ZFHX3: variants seen among roughly 807,000 people sequenced by gnomAD.
The protein encoded by ZFHX3 is zinc finger homeobox protein 3.
In ZFHX3, 42 loss-of-function variants were observed where a neutral mutation model predicts 279.1. The ratio of observed to expected loss-of-function variants is 0.15; its 90% CI spans 0.12 to 0.19. The LOEUF (loss-of-function observed/expected upper bound fraction) is 0.19. ZFHX3 is among the 10% of genes least tolerant of loss of function. The pLI is 1.00. For missense variants in ZFHX3, 4,981 were observed against 4,754.0 expected (o/e 1.05, Z -1.40); for synonymous variants, 2,293 against 1,957.8 (o/e 1.17, Z -4.52).
intron 7 of ZFHX3, among the ~76,000 whole-genome samples, chr16:73,115,501 G>A (rs1264889191): frequency 6.6e-6 from 1 of 152,054 alleles, no homozygotes; most frequent in African/African-American, 2.4e-5. Context: ...AGTGAACCGG[G>A]ATCATGCCAC....
chr16:73,299,761 G>A (rs1197623069), intron 4 of ZFHX3, among the ~76,000 whole-genome samples: 1 of 152,160 alleles, frequency 6.6e-6, no homozygotes, highest in East Asian at 1.9e-4. Flanking sequence ...GGCCTACCAT[G>A]TTTGCAGGAT....
chr16:73,676,797 TAAA>T (rs11295760), intron 2 of ZFHX3, among the ~76,000 whole-genome samples: 8,890 of 150,966 alleles, frequency 0.059, 870 homozygotes, highest in African/African-American at 0.2. Flanking sequence ...GAGATACAAA[TAAA>T]AAAAAGAGTT....
At chr16:72,987,523 G>A (rs1374292964) in intron 1 of ZFHX3, among the ~76,000 whole-genome samples, 1 of 152,160 alleles carries the variant, frequency 6.6e-6, no homozygotes, top group Admixed American at 6.5e-5. Flanking sequence ...CAGCAGCTCT[G>A]GGAGGTCATT....
chr16:73,781,116 G>T (rs1300605730), intron 1 of ZFHX3, among the ~76,000 whole-genome samples: 1 of 152,184 alleles, frequency 6.6e-6, no homozygotes, highest in Non-Finnish European at 1.5e-5. Context: ...GAGCTCTCAA[G>T]GAAGTCGGAG....
intron 1 of ZFHX3, among the ~76,000 whole-genome samples, chr16:73,808,950 T>C (rs868501709): frequency 1.3e-5 from 2 of 152,162 alleles, no homozygotes; most frequent in Non-Finnish European, 2.9e-5. Flanking sequence ...AGAAGCAGCA[T>C]TGATAACAGT....
At chr16:73,306,511 T>C (rs1023037159) in intron 4 of ZFHX3, among the ~76,000 whole-genome samples, 2 of 152,126 alleles carry the variant, frequency 1.3e-5, no homozygotes, top group Non-Finnish European at 2.9e-5. Context: ...TTGGTAGAGA[T>C]ATGGTTTCAC....
At chr16:73,545,201 T>G (rs998107688) in intron 2 of ZFHX3, among the ~76,000 whole-genome samples, 1 of 152,134 alleles carries the variant, frequency 6.6e-6, no homozygotes, top group Non-Finnish European at 1.5e-5. Context: ...CAGACCCCCA[T>G]AATGACATCC....
In ZFHX3 at chr16:73,702,163, C is replaced by T. The variant is rs879793575; in HGVS notation, c.-1607-21923G>A. Among the ~76,000 whole-genome samples the T allele has an allele frequency of 9.6e-4, 146 of 152,020 alleles. 1 individual carries two copies. The highest frequency in any genetic ancestry group is 3.4e-4 in the Non-Finnish European group (23 of 67,998). ...GTACTATGGGTAATAACAACCGCAC[C>T]CCCCACCCTCCCCGTTCACACTCAC... On this transcript the variant is annotated intron_variant, in intron 1 of 17. Transcript: ENST00000641206.
Position 73,329,046 on chromosome 16 carries a change from T to C in ZFHX3, c.-1290-10710A>G, listed in dbSNP as rs1054417688. ...CACAGGTACATTCAGTTCAGACTTT[T>C]TACCCTCCTTTCCTTGCTGCCTTCC... On this transcript the variant is annotated intron_variant, in intron 3 of 17. Coordinates refer to the ZFHX3 transcript ENST00000641206. Among the ~76,000 whole-genome samples the C allele has an allele frequency of 1.1e-4, 16 of 152,258 alleles. 1 individual carries two copies. Among genetic ancestry groups the C allele is most frequent in the Middle Eastern group, 3.2e-3 (1 of 316 alleles).
chr16:72,797,656 T>C lies in ZFHX3; in HGVS notation c.5026A>G (p.Ser1676Gly), dbSNP rs147120168. The C allele has an allele frequency of 1.5e-3, 2,359 of 1,614,178 alleles. 20 individuals are homozygous for C. The highest frequency in any genetic ancestry group is 0.014 in the African/African-American group (1,057 of 75,044). Residue 1676 changes from serine to glycine, a missense_variant, in exon 9 of 10, where the codon AGC becomes GGC. Around this residue, in one of 7 missense-constraint regions of ZFHX3, gnomAD observed 1,751 missense variants for 1,770.0 expected, o/e 0.99. Transcript: ENST00000268489. Reference sequence around the variant, plus strand: ...GGCACTTGGCTTAGTAAGTTAGAGCTTGGAGCAATGCCAGCACTGCTTGGA... The same window carrying C: ...GGCACTTGGCTTAGTAAGTTAGAGCCTGGAGCAATGCCAGCACTGCTTGGA... ...SNPSSAGIAP[S>G]SNLLSQVPTE...
chr16:73,317,294 C>G (rs1395632743), intron 4 of ZFHX3, among the ~76,000 whole-genome samples: 3 of 141,602 alleles, frequency 2.1e-5, no homozygotes, highest in South Asian at 2.6e-4. Context: ...GTGGGGGTGG[C>G]GGTGGTGGTG....
intron 2 of ZFHX3, among the ~76,000 whole-genome samples, chr16:73,524,921 A>G (rs996137606): frequency 4.6e-5 from 7 of 152,300 alleles, no homozygotes; most frequent in Non-Finnish European, 1.0e-4. Flanking sequence ...ATTAAACAGA[A>G]GCTCTTCTCA....
intron 3 of ZFHX3, among the ~76,000 whole-genome samples, chr16:72,943,238 A>C (rs1275261000): frequency 6.6e-5 from 10 of 152,212 alleles, no homozygotes; most frequent in African/African-American, 2.4e-4. Context: ...ATATTCCTGA[A>C]AAGTCACAAA....
intron 5 of ZFHX3, among the ~76,000 whole-genome samples, chr16:73,249,824 T>TCACACACACACACACACA (rs143652574): frequency 5.9e-4 from 88 of 148,782 alleles, no homozygotes; most frequent in African/African-American, 2.0e-3. Context: ...AACAGGCACT[T>TCACACACACACACACACA]CACACACACA....
At chr16:73,189,168 G>A (rs145494524) in intron 5 of ZFHX3, among the ~76,000 whole-genome samples, 2 of 152,152 alleles carry the variant, frequency 1.3e-5, no homozygotes, top group Non-Finnish European at 2.9e-5. Flanking sequence ...GCCCACATCT[G>A]GGTATTTCTA....
At chr16:73,741,804 AG>A (rs1160162247) in intron 1 of ZFHX3, among the ~76,000 whole-genome samples, 9 of 152,220 alleles carry the variant, frequency 5.9e-5, no homozygotes, top group Non-Finnish European at 1.3e-4. Flanking sequence ...GAGGAAAGAA[AG>A]ACAAACATAA....
intron 7 of ZFHX3, among the ~76,000 whole-genome samples, chr16:72,802,002 A>G (rs2036116675): frequency 6.6e-6 from 1 of 152,064 alleles, no homozygotes; most frequent in African/African-American, 2.4e-5. Context: ...GGAATTATGA[A>G]AAATGAATCA....
chr16:73,251,875 GCACACACACCA>G (rs1331706009), intron 5 of ZFHX3, among the ~76,000 whole-genome samples: 18 of 102,398 alleles, frequency 1.8e-4, no homozygotes, highest in Admixed American at 6.7e-4. Context: ...CACACACCAT[GCACACACACCA>G]CACACACACC....
intron 1 of ZFHX3, among the ~76,000 whole-genome samples, chr16:73,700,678 T>G (rs1240097759): frequency 6.6e-6 from 1 of 152,202 alleles, no homozygotes; most frequent in East Asian, 1.9e-4. Context: ...ACACATGCCA[T>G]TAAAAGTTTA....
Sources: allele counts gnomAD v4.1 joint callset (sites outside exome capture counted in the v4.1 genomes callset), GRCh38; gene constraint gnomAD v4.1.1; regional missense constraint gnomAD v4.1.1; transcripts MANE v1.5; gene names NCBI Gene and HGNC (gene_info 2026-07-23, HGNC 2026-07-21).